The following NBEAL1 variants were observed in gnomAD, a reference collection of about 807,000 sequenced individuals.
NBEAL1 encodes the protein neurobeachin-like protein 1.
Under a neutral mutation model 351.3 loss-of-function variants are expected in NBEAL1, and 273 were observed. The ratio of observed to expected loss-of-function variants is 0.78; its 90% confidence interval spans 0.70 to 0.86. NBEAL1 has a LOEUF of 0.86. Among genes scored for constraint, NBEAL1 ranks in the 40% least tolerant of loss-of-function variants. The pLI is 0.00. For synonymous variants in NBEAL1, 1,050 were observed against 1,086.4 expected (o/e 0.97, Z 0.66); for missense variants, 2,961 against 3,201.3 (o/e 0.92, Z 1.81).
At chr2:203,152,424 A>T (rs1202955584) in intron 35 of NBEAL1, among the ~76,000 whole-genome samples, 1 of 151,000 alleles carries the variant, frequency 6.6e-6, no homozygotes, top group Non-Finnish European at 1.5e-5. Flanking sequence ...CCCCGTCTCT[A>T]CTAAAAATAT....
Position 203,049,830 on chromosome 2 carries a change from C to T in NBEAL1, c.160C>T (p.Pro54Ser), listed in dbSNP as rs2106071602. ...CTGTTGTAGGGTAGATGATATGCCT[C>T]CAGGAATATCTCTGCTTCCTGATAA... ...KLPTRVDDMPPGISLLPDNIL... is the reference protein window; with the variant it reads ...KLPTRVDDMPSGISLLPDNIL... Residue 54 changes from proline (P) to serine (S), a missense_variant, in exon 4 of 56, where the codon CCA becomes TCA. By Grantham distance (74) the Pro-to-Ser change is moderately conservative. Transcript: ENST00000683969. 1.9e-6 allele frequency: 3 copies of T among 1,551,824 alleles called. No individual in the cohort carries two copies. Among genetic ancestry groups the T allele is most frequent in the Non-Finnish European group, 8.7e-7 (1 of 1,146,200 alleles).
intron 38 of NBEAL1, among the ~76,000 whole-genome samples, chr2:203,167,684 G>A (rs1187414344): frequency 1.3e-5 from 2 of 152,136 alleles, no homozygotes; most frequent in Non-Finnish European, 2.9e-5. Flanking sequence ...AAAAAATAAT[G>A]AGGAATCTAT....
At chr2:203,094,590 G>A (rs569508138) in intron 10 of NBEAL1, among the ~76,000 whole-genome samples, 6 of 152,216 alleles carry the variant, frequency 3.9e-5, no homozygotes, top group East Asian at 3.9e-4. Context: ...TATGAGATTC[G>A]TCAGCCTATT....
At position 203,190,275 on chromosome 2, in the gene NBEAL1, A is replaced by T. The variant is rs1007480683; in HGVS notation, c.6824-17A>T. On this transcript the variant is annotated splice_polypyrimidine_tract_variant and intron_variant, in intron 45 of 55. Transcript: ENST00000683969. ...TTTGTTTTCACTCTATAGTAAGTTGACTTCTTCTGGTTTTAGGAGCTGTGG... is the reference window on the plus strand; with the variant it reads ...TTTGTTTTCACTCTATAGTAAGTTGTCTTCTTCTGGTTTTAGGAGCTGTGG... 6.3e-7 allele frequency: 1 copy of T among 1,580,928 alleles called. No homozygotes were observed. Among genetic ancestry groups the T allele is most frequent in the African/African-American group, 1.4e-5 (1 of 73,266 alleles).
intron 17 of NBEAL1, among the ~76,000 whole-genome samples, chr2:203,115,774 T>A (rs927973898): frequency 3.9e-5 from 6 of 152,186 alleles, no homozygotes; most frequent in African/African-American, 9.6e-5. Context: ...ATAAAAAAAA[T>A]TTTCTGTAAT....
At chr2:203,156,964 T>C (rs765460539) in intron 35 of NBEAL1, among the ~76,000 whole-genome samples, 10 of 152,214 alleles carry the variant, frequency 6.6e-5, no homozygotes, top group Non-Finnish European at 1.2e-4. Context: ...TTATTTTATA[T>C]TTAATGTGTA....
At chr2:203,109,841 C>T (rs189481516) in intron 14 of NBEAL1, among the ~76,000 whole-genome samples, 20 of 152,126 alleles carry the variant, frequency 1.3e-4, no homozygotes, top group Admixed American at 8.5e-4. Flanking sequence ...ATTTTAAAGA[C>T]CTTTATTTAT....
chr2:203,167,723 G>A (rs1041077079), intron 38 of NBEAL1, among the ~76,000 whole-genome samples: 1 of 152,158 alleles, frequency 6.6e-6, no homozygotes, highest in Non-Finnish European at 1.5e-5. Context: ...AAATTCTTAA[G>A]TAATGTAAGT....
chr2:203,070,430 CAT>C lies in NBEAL1; in HGVS notation c.598+1957_598+1958del, dbSNP rs145568110. Among the ~76,000 whole-genome samples the C allele has an allele frequency of 1.2e-3, 157 of 132,292 alleles. 1 individual carries two copies. The East Asian group carries it at 0.032, about 27-fold the overall frequency. The allele number at this position is 132,292 out of a possible 152,430, so 86.8% of individuals were successfully genotyped here. On this transcript the variant is annotated intron_variant, in intron 7 of 55. Transcript: ENST00000683969. ...CCAGTCTGGAGTGCTATGGTATAAT[CAT>C]AGCTTACTGTAGCCTTAAACTCCTG...
intron 47 of NBEAL1, among the ~76,000 whole-genome samples, chr2:203,195,718 G>A (rs1434682258): frequency 6.6e-6 from 1 of 152,194 alleles, no homozygotes; most frequent in Admixed American, 6.5e-5. Context: ...AGTCACATAA[G>A]ATCTACTTAA....
chr2:203,063,265 A>G (rs2106111426), intron 6 of NBEAL1, among the ~76,000 whole-genome samples: 1 of 152,084 alleles, frequency 6.6e-6, no homozygotes, highest in South Asian at 2.1e-4. Context: ...GGTTGAGGCC[A>G]GGAGTGTAAG....
At chr2:203,217,219 T>C in intron 55 of NBEAL1, 34 bp from the exon 56 acceptor site, 2 of 1,448,324 alleles carry the variant, frequency 1.4e-6, no homozygotes, top group Non-Finnish European at 1.8e-6. Flanking sequence ...TTTCTTAATA[T>C]TTATTCTTCA....
chr2:203,168,486 G>A (rs1415050889), intron 38 of NBEAL1, among the ~76,000 whole-genome samples: 2 of 152,200 alleles, frequency 1.3e-5, no homozygotes, highest in Non-Finnish European at 2.9e-5. Flanking sequence ...GGGAGGCTGA[G>A]GCAGGAGAAT....
chr2:203,116,444 AAAG>A (rs1312677379), intron 18 of NBEAL1, among the ~76,000 whole-genome samples: 2 of 152,094 alleles, frequency 1.3e-5, no homozygotes, highest in Non-Finnish European at 2.9e-5. Context: ...AATTTTAAAA[AAAG>A]AAAGAAAGAG....
chr2:203,211,910 C>G (rs924736846), intron 54 of NBEAL1, among the ~76,000 whole-genome samples: 3 of 151,832 alleles, frequency 2.0e-5, no homozygotes, highest in African/African-American at 7.3e-5. Flanking sequence ...TTTTTTGAGA[C>G]CTAGTCTTGC....
At chr2:203,181,364 G>A (rs943055409) in intron 43 of NBEAL1, 4 of 152,050 alleles carry the variant, frequency 2.6e-5, no homozygotes, top group African/African-American at 9.7e-5. Flanking sequence ...GAAAAATTTG[G>A]TAACTCCTGA....
At chr2:203,025,512 T>C (rs1574860556) in intron 2 of NBEAL1, among the ~76,000 whole-genome samples, 1 of 152,210 alleles carries the variant, frequency 6.6e-6, no homozygotes, top group East Asian at 1.9e-4. Flanking sequence ...GCAAGTTTTG[T>C]TACAAGCAAG....
At position 203,167,324 on chromosome 2, in the gene NBEAL1, T is replaced by G. The variant is rs2106397649; in HGVS notation, c.5961T>G (p.Val1987=). ...LRRSALEIFH[V]DQSNYFLNFK... is the part of the protein sequence containing the mutation. ...GATCAGCCCTTGAGATTTTTCATGT[T>G]GACCAATCCAACTACTTTCTCAATT... The change falls in exon 38 of 56, where the codon GTT becomes GTG. Residue 1987 remains valine, a synonymous_variant. Transcript: ENST00000683969. The G allele has an allele frequency of 6.2e-7, 1 of 1,612,644 alleles. No homozygotes were observed. The highest frequency in any genetic ancestry group is 8.5e-7 in the Non-Finnish European group (1 of 1,179,446).
intron 10 of NBEAL1, among the ~76,000 whole-genome samples, chr2:203,089,216 AGGCATAGT>A (rs2062020575): frequency 6.6e-6 from 1 of 151,994 alleles, no homozygotes; most frequent in East Asian, 1.9e-4. Context: ...AAAATTAGCC[AGGCATAGT>A]GGCATGCTCC....
Sources: gnomAD v4.1 joint callset for allele counts (sites outside exome capture counted in the v4.1 genomes callset) on GRCh38, gnomAD v4.1.1 for gene constraint, MANE v1.5 for transcripts, NCBI Gene and HGNC (gene_info 2026-07-23, HGNC 2026-07-21) for gene names.